The following SCN10A variants were observed in gnomAD, a reference collection of about 807,000 sequenced individuals.
SCN10A encodes sodium channel protein type 10 subunit alpha.
In SCN10A, 162 loss-of-function variants were observed where a neutral mutation model predicts 170.7. The observed-to-expected ratio is 0.95, with a 90% CI of 0.84 to 1.08. The LOEUF is 1.08. Among genes scored for constraint, SCN10A ranks in the 50% least tolerant of loss-of-function variants. SCN10A has a pLI of 0.00. For missense variants in SCN10A, 2,527 were observed against 2,436.9 expected, an observed-to-expected ratio of 1.04 and a Z score of -0.78; for synonymous variants, 985 against 904.6, an observed-to-expected ratio of 1.09 and a Z score of -1.59.
intron 23 of SCN10A, among the ~76,000 whole-genome samples, chr3:38,711,322 C>A (rs2063271748): frequency 6.6e-6 from 1 of 152,192 alleles, no homozygotes; most frequent in Non-Finnish European, 1.5e-5. Flanking sequence ...GAATAGAAGA[C>A]CTCCATGTTC....
At chr3:38,724,066 G>C (rs1290211909) in intron 18 of SCN10A, among the ~76,000 whole-genome samples, 2 of 152,214 alleles carry the variant, frequency 1.3e-5, no homozygotes, top group Non-Finnish European at 2.9e-5. Context: ...AAAACATTGA[G>C]TAGGGACAAC....
chr3:38,715,885 G>A (rs7373373), intron 21 of SCN10A, among the ~76,000 whole-genome samples: 12,535 of 152,160 alleles, frequency 0.082, 666 homozygotes, highest in East Asian at 0.26. Context: ...CACTTCATAA[G>A]ACAATCCTGT....
rs143438557 is a variant in SCN10A, at chr3:38,756,698, G to A, written c.1266C>T (p.Leu422=). ...CCTCCTGCTCCTTCCGGAGCATCTC[G>A]AGGGCCTCCTGGAACTTCTTCTCCT... The part of the protein sequence containing the change: ...EAKEKKFQEA[L]EMLRKEQEVL... Residue 422 remains leucine (L), a synonymous_variant, in exon 10 of 28, where the codon CTC becomes CTT. Coordinates refer to ENST00000449082, the MANE Select transcript of SCN10A (RefSeq NM_006514.4). The A allele has an allele frequency of 9.2e-5, 148 of 1,613,978 alleles. 1 individual carries two copies. The African/African-American group carries it at 1.3e-3, about 14-fold the overall frequency.
Position 38,752,399 on chromosome 3 carries a change from G to C in SCN10A, c.1575C>G (p.Val525=), listed in dbSNP as rs1220722210. ...SLPEGVTDDG[V]FPGDHESHRG... ...GATGGCTTTCGTGGTCTCCAGGAAA[G>C]ACTCCATCATCTGTGACTCCCTCAG... The change falls in exon 12 of 28, where the codon GTC becomes GTG. Residue 525 remains valine, a synonymous_variant. Transcript: ENST00000449082. 2 of 1,613,974 alleles carry C rather than the reference G, an allele frequency of 1.2e-6. No individual in the cohort carries two copies. The highest frequency in any genetic ancestry group is 1.1e-5 in the South Asian group (1 of 91,002).
chr3:38,777,884 C>T (rs899395622), intron 4 of SCN10A, among the ~76,000 whole-genome samples: 1 of 151,938 alleles, frequency 6.6e-6, no homozygotes, highest in East Asian at 1.9e-4. Context: ...CTATCTCATA[C>T]CACACACATA....
chr3:38,733,605 T>G (rs1303217998), intron 15 of SCN10A, among the ~76,000 whole-genome samples: 1 of 152,170 alleles, frequency 6.6e-6, no homozygotes, highest in Non-Finnish European at 1.5e-5. Flanking sequence ...AGCCACGACC[T>G]CCTGGGCTCA....
At chr3:38,800,775 G>C (rs949289212) in intron 1 of SCN10A, among the ~76,000 whole-genome samples, 1 of 152,036 alleles carries the variant, frequency 6.6e-6, no homozygotes, top group Non-Finnish European at 1.5e-5. Context: ...TTATTTCTGA[G>C]GATCAAGTTT....
At chr3:38,747,555 C>T (rs916476162) in intron 13 of SCN10A, among the ~76,000 whole-genome samples, 1 of 152,122 alleles carries the variant, frequency 6.6e-6, no homozygotes, top group Admixed American at 6.5e-5. Context: ...ATCTGAGGCA[C>T]AGAAAAGTTA....
At position 38,757,141 on chromosome 3, in the gene SCN10A, A is replaced by T; in HGVS notation, c.969T>A (p.Tyr323Ter). The change falls in exon 9 of 28, where the codon TAT (tyrosine) becomes TAA (stop). Residue 323 changes from tyrosine (Y) to a stop codon, truncating the protein, a stop_gained. Transcript: ENST00000449082. LOFTEE classifies it high-confidence loss of function. ...GGTTGTCAGAAGTTTTAAGGCAGAT[A>T]TAACCATCAGGGCAGTGGCTGCAGC... is the stretch of plus-strand genomic sequence containing the variant. ...GSDSGHCPDG[Y>*]ICLKTSDNPD... 4 of 1,609,202 alleles carry T rather than the reference A, an allele frequency of 2.5e-6. No homozygotes were observed. Among genetic ancestry groups the T allele is most frequent in the Non-Finnish European group, 2.5e-6 (3 of 1,177,722 alleles).
rs773584404 is a variant in SCN10A at position 38,755,818 on chromosome 3, G to C, written c.1431C>G (p.Pro477=). ...TGCGCTGGTTGTAAGGATCAGAGCG[G>C]GGTGATTTGTTGTCTTCTGTGGAGC... ...SEGSTEDNKS[P]RSDPYNQRRM... The change falls in exon 11 of 28, where the codon CCC becomes CCG. Residue 477 remains proline (P), a synonymous_variant. Transcript: ENST00000449082. 1 of 1,613,978 alleles carries C rather than the reference G, an allele frequency of 6.2e-7. No homozygotes were observed. The highest frequency in any genetic ancestry group is 2.2e-5 in the East Asian group (1 of 44,880).
In SCN10A at chr3:38,752,210, C is replaced by T. The variant is rs1203934747; in HGVS notation, c.1755+9G>A. 1 of 1,501,220 alleles carries T rather than the reference C, an allele frequency of 6.7e-7. No homozygotes were observed. Among genetic ancestry groups the T allele is most frequent in the East Asian group, 2.4e-5 (1 of 41,234 alleles). 93.0% of individuals were successfully genotyped at this position (1,501,220 alleles called of 1,614,324 possible). On this transcript the variant is annotated intron_variant, in intron 12 of 27. Coordinates refer to ENST00000449082, the MANE Select transcript of SCN10A (RefSeq NM_006514.4). ...AGCCTGAGGGAGTCTGAAGCATTCA[C>T]AAACTCACCGAGACATCGACAGCTC...
Position 38,698,226 on chromosome 3 carries a change from C to A in SCN10A, c.4994G>T (p.Gly1665Val). The A allele has an allele frequency of 6.2e-7, 1 of 1,614,118 alleles. No homozygotes were observed. The highest frequency in any genetic ancestry group is 8.5e-7 in the Non-Finnish European group (1 of 1,180,012). The change falls in exon 28 of 28, where the codon GGC becomes GTC. Residue 1665 changes from glycine to valine, a missense_variant. By Grantham distance (109) the Gly-to-Val change is moderately radical. Transcript: ENST00000449082. Reference protein sequence around the residue: ...FQITTSAGWDGLLSPILNTGP... With the variant: ...FQITTSAGWDVLLSPILNTGP... ...TGTGTTGAGGATGGGGCTGAGGAGG[C>A]CATCCCAGCCGGCCGACGTGGTAAT...
Position 38,792,224 on chromosome 3 carries a change from C to T in SCN10A, c.271-56G>A, listed in dbSNP as rs1016766881. 7 of 1,597,652 alleles carry T rather than the reference C, an allele frequency of 4.4e-6. No individual in the cohort carries two copies. In the Admixed American group the frequency reaches 6.8e-5, roughly 16 times the overall value. On this transcript the variant is annotated intron_variant, in intron 2 of 27. Coordinates refer to ENST00000449082, the MANE Select transcript of SCN10A (RefSeq NM_006514.4). ...CCAATGAGAAACAAGATTCCTTATA[C>T]AACCATGTTTTTAAACATGAGAGGC...
intron 1 of SCN10A, among the ~76,000 whole-genome samples, chr3:38,814,366 G>A (rs1288548136): frequency 6.6e-6 from 1 of 152,110 alleles, no homozygotes; most frequent in Non-Finnish European, 1.5e-5. Flanking sequence ...TCTGTATTCT[G>A]AGAGAGGGGG....
intron 5 of SCN10A, among the ~76,000 whole-genome samples, chr3:38,770,249 C>A (rs2063983009): frequency 6.6e-6 from 1 of 152,158 alleles, no homozygotes. Flanking sequence ...GGGATCTAAG[C>A]TCACCCTAAG....
chr3:38,773,353 A>G (rs1056092145), intron 4 of SCN10A, among the ~76,000 whole-genome samples: 6 of 152,170 alleles, frequency 3.9e-5, no homozygotes, highest in Non-Finnish European at 1.5e-5. Context: ...AGAAACATAT[A>G]TGCGATCCAG....
At chr3:38,721,517 G>C (rs1209632370) in intron 20 of SCN10A, among the ~76,000 whole-genome samples, 4 of 152,208 alleles carry the variant, frequency 2.6e-5, no homozygotes, top group African/African-American at 4.8e-5. Flanking sequence ...ACAGTACAGA[G>C]AGAACCTTCC....
At chr3:38,702,382 C>T (rs926338135) in intron 26 of SCN10A, among the ~76,000 whole-genome samples, 37 of 152,240 alleles carry the variant, frequency 2.4e-4, no homozygotes, top group Non-Finnish European at 5.3e-4. Flanking sequence ...CCTCCTATCT[C>T]CTCTCTTGGC....
In SCN10A at chr3:38,760,698, G is replaced by A. The variant is rs749011196; in HGVS notation, c.933C>T (p.Gly311=). 1 of 1,613,930 alleles carries A rather than the reference G, an allele frequency of 6.2e-7. No homozygotes were observed. The highest frequency in any genetic ancestry group is 8.5e-7 in the Non-Finnish European group (1 of 1,179,778). ...KRGTSDPLLC[G]NGSDSGHCPD... ...GAACTCACCCTGAGTCAGATCCATTGCCACACAGTAAGGGGTCAGAAGTGC... is the reference window on the plus strand; with the variant it reads ...GAACTCACCCTGAGTCAGATCCATTACCACACAGTAAGGGGTCAGAAGTGC... The change falls in exon 8 of 28, where the codon GGC becomes GGT. Residue 311 remains glycine (G), a synonymous_variant. Transcript: ENST00000449082.
Sources: gnomAD v4.1 joint callset for allele counts (sites outside exome capture counted in the v4.1 genomes callset) on GRCh38, gnomAD v4.1.1 for gene constraint, MANE v1.5 for transcripts, NCBI Gene and HGNC (gene_info 2026-07-23, HGNC 2026-07-21) for gene names.